SPAG9: variants seen among roughly 807,000 people sequenced by gnomAD.
SPAG9 encodes C-Jun-amino-terminal kinase-interacting protein 4.
SPAG9 carries 35 observed loss-of-function variants against 166.5 expected under a neutral mutation model. The observed-to-expected ratio is 0.21, with a 90% CI of 0.16 to 0.28. SPAG9 has a LOEUF of 0.28. Among genes scored for constraint, SPAG9 ranks in the 10% least tolerant of loss-of-function variants. The pLI is 1.00. For synonymous variants in SPAG9, 534 were observed against 565.5 expected, an observed-to-expected ratio of 0.94 and a Z score of 0.79; for missense variants, 1,235 against 1,603.3, an observed-to-expected ratio of 0.77 and a Z score of 3.92.
chr17:51,099,785 A>C (rs76572725), intron 1 of SPAG9, among the ~76,000 whole-genome samples: 6 of 150,664 alleles, frequency 4.0e-5, no homozygotes, highest in South Asian at 2.1e-4. Flanking sequence ...AAAAAAAAAA[A>C]AAAACTAGAA....
At chr17:51,085,959 ATTTTTTT>A (rs34918673) in intron 1 of SPAG9, among the ~76,000 whole-genome samples, 10 of 88,078 alleles carry the variant, frequency 1.1e-4, no homozygotes, top group East Asian at 6.0e-4. Context: ...CTTGGAAATC[ATTTTTTT>A]TTTTTTTTTT....
At chr17:51,011,931 T>G (rs577186070) in intron 9 of SPAG9, among the ~76,000 whole-genome samples, 2 of 152,328 alleles carry the variant, frequency 1.3e-5, no homozygotes, top group Non-Finnish European at 1.5e-5. Context: ...TTCTAAATAC[T>G]TCATAAGAAA....
At chr17:51,028,171 C>T (rs1181995296) in intron 6 of SPAG9, among the ~76,000 whole-genome samples, 1 of 150,636 alleles carries the variant, frequency 6.6e-6, no homozygotes, top group Non-Finnish European at 1.5e-5. Flanking sequence ...TTAAGCTAAA[C>T]ATTATTACAA....
Position 50,982,562 on chromosome 17 carries a change from T to C in SPAG9, c.3199A>G (p.Lys1067Glu). 1 of 1,613,816 alleles carries C rather than the reference T, an allele frequency of 6.2e-7. No homozygotes were observed. The highest frequency in any genetic ancestry group is 1.6e-4 in the Middle Eastern group (1 of 6,062). ...GCCTTTGGCTGCACCACATAGATTT[T>C]GTTCCTATAGCCACACCAGACTTTG... is the stretch of plus-strand genomic sequence containing the variant. ...HDKVWCGYRN[K>E]IYVVQPKAMK... is the part of the protein sequence containing the mutation. Residue 1067 changes from lysine to glutamate, a missense_variant, in exon 25 of 30, where the codon AAA (lysine) becomes GAA (glutamate). Transcript: ENST00000262013.
intron 6 of SPAG9, among the ~76,000 whole-genome samples, chr17:51,025,026 A>AC (rs1160500770): frequency 6.6e-6 from 1 of 151,404 alleles, no homozygotes; most frequent in African/African-American, 2.4e-5. Context: ...CTCAAAAAAA[A>AC]AAAAAAAATT....
intron 24 of SPAG9, among the ~76,000 whole-genome samples, chr17:50,984,255 A>T (rs961772317): frequency 1.3e-5 from 2 of 152,218 alleles, no homozygotes; most frequent in Admixed American, 6.5e-5. Flanking sequence ...ATCTTACCCA[A>T]TTAAAATTCT....
chr17:50,970,743 T>C lies in SPAG9; in HGVS notation c.3814A>G (p.Ile1272Val). Residue 1272 changes from isoleucine to valine, a missense_variant, in exon 29 of 30, where the codon ATC becomes GTC. Around this residue, in one of 6 missense-constraint regions of SPAG9, gnomAD observed 243 missense variants for 358.6 expected, o/e 0.68. Coordinates refer to ENST00000262013, the MANE Select transcript of SPAG9 (RefSeq NM_001130528.3). ...SQTPLKSMLV[I>V]SGGEGYIDFR... ...TCGATGTAGCCCTCTCCTCCACTGATGACAAGCATAGACTTCAAGGGCGTC... is the reference window on the plus strand; with the variant it reads ...TCGATGTAGCCCTCTCCTCCACTGACGACAAGCATAGACTTCAAGGGCGTC... 6.2e-7 allele frequency: 1 copy of C among 1,614,096 alleles called. No homozygotes were observed. Among genetic ancestry groups the C allele is most frequent in the Non-Finnish European group, 8.5e-7 (1 of 1,180,014 alleles).
intron 8 of SPAG9, among the ~76,000 whole-genome samples, chr17:51,015,719 A>G (rs1235144592): frequency 2.1e-5 from 3 of 145,584 alleles, no homozygotes; most frequent in African/African-American, 7.3e-5. Context: ...TGGAAAAAAA[A>G]AAAGAATGAG....
At chr17:51,002,779 A>G (rs1394627846) in intron 12 of SPAG9, among the ~76,000 whole-genome samples, 1 of 151,778 alleles carries the variant, frequency 6.6e-6, no homozygotes, top group Non-Finnish European at 1.5e-5. Flanking sequence ...CAACAACAAC[A>G]ACAAAAACAA....
intron 2 of SPAG9, among the ~76,000 whole-genome samples, chr17:51,079,209 A>C (rs2048096633): frequency 6.9e-6 from 1 of 145,616 alleles, no homozygotes; most frequent in African/African-American, 2.5e-5. Context: ...AGGATGAGTC[A>C]TTGCACCATT....
At chr17:51,077,013 G>GCTAGCTATCTATCTAGCTATCTAGCTAT (rs2048001639) in intron 2 of SPAG9, among the ~76,000 whole-genome samples, 2 of 62,902 alleles carry the variant, frequency 3.2e-5, no homozygotes, top group South Asian at 4.4e-4. Context: ...TAGCTAGCTA[G>GCTAGCTATCTATCTAGCTATCTAGCTAT]CTAGCTATCT....
In SPAG9 at chr17:51,003,661, C is replaced by A. The variant is rs116509938; in HGVS notation, c.1476+1551G>T. ...ATGGCTCAAGTCAACGTCCTATAGG[C>A]TTTCATTATCCACATTTTGGATCAA... On this transcript the variant is annotated intron_variant, in intron 12 of 29. Coordinates refer to ENST00000262013, the MANE Select transcript of SPAG9 (RefSeq NM_001130528.3). Among the ~76,000 whole-genome samples, 765 of 152,284 alleles carry A rather than the reference C, an allele frequency of 5.0e-3. 4 individuals are homozygous for A. Among genetic ancestry groups the A allele is most frequent in the African/African-American group, 0.017 (725 of 41,548 alleles).
In SPAG9 at chr17:51,107,804, A is replaced by T. The variant is rs184053175; in HGVS notation, c.303+12550T>A. Among the ~76,000 whole-genome samples the T allele has an allele frequency of 2.6e-5, 4 of 151,624 alleles. No individual in the cohort carries two copies. The East Asian group carries it at 7.7e-4, about 29-fold the overall frequency. ...GTGGCTCACAACTATAATCTCAGTT[A>T]CTTGGGAGGCTAAGGTAGGGGGATA... On this transcript the variant is annotated intron_variant, in intron 1 of 29. Coordinates refer to ENST00000262013, the MANE Select transcript of SPAG9 (RefSeq NM_001130528.3).
At chr17:51,015,480 C>T (rs1176238084) in intron 8 of SPAG9, among the ~76,000 whole-genome samples, 1 of 151,982 alleles carries the variant, frequency 6.6e-6, no homozygotes, top group Non-Finnish European at 1.5e-5. Flanking sequence ...GCATTATTTA[C>T]TTAAGTATGA....
intron 26 of SPAG9, among the ~76,000 whole-genome samples, chr17:50,979,398 AG>A (rs1371194766): frequency 6.6e-6 from 1 of 150,578 alleles, no homozygotes; most frequent in Admixed American, 6.6e-5. Context: ...AAAAAAAAAA[AG>A]AGTAAGGTAG....
intron 5 of SPAG9, among the ~76,000 whole-genome samples, chr17:51,034,423 C>G (rs1434139050): frequency 6.6e-6 from 1 of 152,102 alleles, no homozygotes; most frequent in Non-Finnish European, 1.5e-5. Context: ...AATACAACAG[C>G]TTAGAGCATC....
chr17:51,043,046 C>T (rs1475568419), intron 4 of SPAG9, among the ~76,000 whole-genome samples: 2 of 152,064 alleles, frequency 1.3e-5, no homozygotes, highest in Non-Finnish European at 1.5e-5. Context: ...ATTACCACCA[C>T]GTCTGGCTAA....
chr17:51,028,951 A>C (rs2046290010), intron 6 of SPAG9, among the ~76,000 whole-genome samples: 1 of 152,194 alleles, frequency 6.6e-6, no homozygotes, highest in South Asian at 2.1e-4. Flanking sequence ...TGACATCATT[A>C]AGATATCTTT....
At chr17:51,058,196 C>G (rs961071060) in intron 2 of SPAG9, among the ~76,000 whole-genome samples, 1 of 152,114 alleles carries the variant, frequency 6.6e-6, no homozygotes, top group Non-Finnish European at 1.5e-5. Context: ...AATAGTAGAG[C>G]CTTATTATTC....
Sources: allele counts gnomAD v4.1 joint callset (sites outside exome capture counted in the v4.1 genomes callset), GRCh38; gene constraint gnomAD v4.1.1; regional missense constraint gnomAD v4.1.1; transcripts MANE v1.5; gene names NCBI Gene and HGNC (gene_info 2026-07-23, HGNC 2026-07-21).